GK5: variants seen among roughly 807,000 people sequenced by gnomAD.
GK5 encodes the protein ATP:glycerol 3-phosphotransferase 5.
Under a neutral mutation model 77.3 loss-of-function variants are expected in GK5, and 39 were observed. The observed-to-expected ratio is 0.50, with a 90% CI of 0.39 to 0.66. GK5 has a LOEUF of 0.66. Ranked by LOEUF, GK5 falls within the 30% of genes least tolerant of loss-of-function variation. The pLI, the probability that GK5 is intolerant of heterozygous loss-of-function variation, is 0.00. For synonymous variants in GK5, 211 were observed against 208.0 expected, an observed-to-expected ratio of 1.01 and a Z score of -0.13; for missense variants, 487 against 633.8, an observed-to-expected ratio of 0.77 and a Z score of 2.49.
At chr3:142,187,679 A>G (rs1480594949) in intron 6 of GK5, 25 bp downstream of exon 6, 2 of 1,527,160 alleles carry the variant, frequency 1.3e-6, no homozygotes, top group Admixed American at 3.5e-5. Context: ...GGTTATTTAA[A>G]ATAGATCTTT....
Position 142,225,522 on chromosome 3 carries a change from C to T in GK5, c.-67G>A. On this transcript the variant is annotated 5_prime_UTR_variant, in exon 1 of 16. Coordinates refer to ENST00000392993, the MANE Select transcript of GK5 (RefSeq NM_001039547.3). ...GGGCGCGCTACAAATCCCAATGCTCCAGAGTCCCCGGGCGGCCCAACCCGG... is the reference window on the plus strand; with the variant it reads ...GGGCGCGCTACAAATCCCAATGCTCTAGAGTCCCCGGGCGGCCCAACCCGG... 4 of 1,546,124 alleles carry T rather than the reference C, an allele frequency of 2.6e-6. No homozygotes were observed. Among genetic ancestry groups the T allele is most frequent in the Non-Finnish European group, 3.5e-6 (4 of 1,153,774 alleles).
intron 1 of GK5, among the ~76,000 whole-genome samples, chr3:142,219,303 T>C (rs574882131): frequency 6.6e-6 from 1 of 152,332 alleles, no homozygotes; most frequent in Non-Finnish European, 1.5e-5. Context: ...AGCAGCTCTA[T>C]TAATGATCAC....
intron 11 of GK5, among the ~76,000 whole-genome samples, chr3:142,179,586 T>C (rs1394816585): frequency 6.6e-6 from 1 of 152,208 alleles, no homozygotes; most frequent in Non-Finnish European, 1.5e-5. Flanking sequence ...TTTTACAAGA[T>C]AAGATGTAGG....
At chr3:142,170,105 T>C in intron 15 of GK5, 1 of 616,044 alleles carries the variant, frequency 1.6e-6, no homozygotes, top group Non-Finnish European at 2.9e-6. Flanking sequence ...TGTCTCATAC[T>C]TCTGACTGAA....
intron 3 of GK5, among the ~76,000 whole-genome samples, chr3:142,210,779 C>T (rs983477654): frequency 2.0e-5 from 3 of 152,226 alleles, no homozygotes; most frequent in African/African-American, 7.2e-5. Flanking sequence ...ATGTATAGTC[C>T]TAGCATCAGA....
intron 1 of GK5, among the ~76,000 whole-genome samples, chr3:142,219,733 T>G (rs1006355492): frequency 2.0e-5 from 3 of 152,208 alleles, no homozygotes; most frequent in Admixed American, 6.5e-5. Context: ...TCCAGTACTT[T>G]GGGAGGCCGA....
chr3:142,203,848 C>T (rs1187521762), intron 4 of GK5, among the ~76,000 whole-genome samples: 4 of 152,112 alleles, frequency 2.6e-5, no homozygotes, highest in African/African-American at 9.7e-5. Context: ...AGGTCTGACA[C>T]CACTCGAGGA....
intron 1 of GK5, among the ~76,000 whole-genome samples, chr3:142,224,852 GA>G (rs200281766): frequency 0.018 from 2,707 of 152,196 alleles, 37 homozygotes; most frequent in East Asian, 0.071. Flanking sequence ...AAAGAAAAAA[GA>G]AAAAAAGTTT....
intron 1 of GK5, among the ~76,000 whole-genome samples, chr3:142,220,894 C>A (rs1334408446): frequency 6.6e-6 from 1 of 152,152 alleles, no homozygotes; most frequent in Non-Finnish European, 1.5e-5. Context: ...TTATAAGGAG[C>A]CCCAATTCCT....
intron 4 of GK5, among the ~76,000 whole-genome samples, chr3:142,201,877 A>T (rs1195876078): frequency 6.6e-6 from 1 of 152,208 alleles, no homozygotes; most frequent in African/African-American, 2.4e-5. Flanking sequence ...TGTATCTAAG[A>T]ATCTTTGAAA....
chr3:142,191,820 C>CTAAA (rs931359842), intron 5 of GK5, among the ~76,000 whole-genome samples: 13 of 151,960 alleles, frequency 8.6e-5, no homozygotes, highest in East Asian at 3.9e-4. Context: ...GACTCTGTCT[C>CTAAA]TAAATAAATA....
intron 2 of GK5, among the ~76,000 whole-genome samples, chr3:142,214,544 C>T (rs898516229): frequency 6.6e-6 from 1 of 152,068 alleles, no homozygotes. Flanking sequence ...CAACCTGAAT[C>T]TAACTGGGAG....
intron 9 of GK5, among the ~76,000 whole-genome samples, chr3:142,184,111 A>C (rs2063733154): frequency 6.6e-6 from 1 of 151,520 alleles, no homozygotes; most frequent in Admixed American, 6.6e-5. Context: ...AATACAAAAA[A>C]TTAGCCAGGC....
chr3:142,186,343 G>T, intron 7 of GK5, 76 bp from the exon 8 acceptor site: 1 of 1,029,952 alleles, frequency 9.7e-7, no homozygotes, highest in Non-Finnish European at 1.5e-6. Flanking sequence ...AAAACATCAT[G>T]TTGTACATGA....
chr3:142,225,293 C>G lies in GK5; in HGVS notation c.147+16G>C, dbSNP rs1332198765. On this transcript the variant is annotated intron_variant, in intron 1 of 15. Transcript: ENST00000392993. ...AACCCAGTCAGACCCGCGCCCCACG[C>G]CCGCCCCCAAGTCACCTTCTGCACG... 54 of 1,526,322 alleles carry G rather than the reference C, an allele frequency of 3.5e-5. No individual in the cohort carries two copies. The highest frequency in any genetic ancestry group is 4.2e-5 in the African/African-American group (3 of 70,650). The allele number at this position is 1,526,322 out of a possible 1,614,324, so 94.5% of individuals were successfully genotyped here.
chr3:142,180,298 T>C (rs1435300137), intron 11 of GK5, among the ~76,000 whole-genome samples: 2 of 151,472 alleles, frequency 1.3e-5, no homozygotes, highest in Non-Finnish European at 2.9e-5. Context: ...CTTTCCCTCT[T>C]TCTTTTTTCT....
At chr3:142,223,136 A>C (rs1324522093) in intron 1 of GK5, among the ~76,000 whole-genome samples, 1 of 152,210 alleles carries the variant, frequency 6.6e-6, no homozygotes, top group Non-Finnish European at 1.5e-5. Context: ...ACTCACAGCA[A>C]TCTTGATCCA....
At chr3:142,175,670 C>G (rs1465622497) in intron 12 of GK5, among the ~76,000 whole-genome samples, 1 of 152,076 alleles carries the variant, frequency 6.6e-6, no homozygotes, top group Non-Finnish European at 1.5e-5. Flanking sequence ...GACCTACGGT[C>G]AACCTACCAC....
chr3:142,184,284 A>G (rs1291103361), intron 9 of GK5, among the ~76,000 whole-genome samples: 1 of 149,464 alleles, frequency 6.7e-6, no homozygotes, highest in Non-Finnish European at 1.5e-5. Context: ...AAAAAAAAAA[A>G]AAGAAAATAA....
Sources: allele counts gnomAD v4.1 joint callset (sites outside exome capture counted in the v4.1 genomes callset), GRCh38; gene constraint gnomAD v4.1.1; transcripts MANE v1.5; gene names NCBI Gene and HGNC (gene_info 2026-07-23, HGNC 2026-07-21).